The following NUBPL variants were observed in gnomAD, a reference collection of about 807,000 sequenced individuals.
The protein encoded by NUBPL is NUBP iron-sulfur cluster assembly factor, mitochondrial.
A neutral mutation model predicts 45.7 loss-of-function variants in NUBPL; 31 were observed. That is an observed-to-expected ratio of 0.68 (90% CI 0.51 to 0.92). The LOEUF is 0.92. Among genes scored for constraint, NUBPL ranks in the 40% least tolerant of loss-of-function variants. The pLI is 0.00. For missense variants in NUBPL, 401 were observed against 398.7 expected (o/e 1.01, Z -0.05); for synonymous variants, 144 against 140.9 (o/e 1.02, Z -0.15).
intron 7 of NUBPL, among the ~76,000 whole-genome samples, chr14:31,812,575 G>A (rs575517878): frequency 9.2e-5 from 14 of 152,276 alleles, no homozygotes; most frequent in Non-Finnish European, 1.9e-4. Context: ...GAAATCCCCC[G>A]ACCCCTTGCA....
rs1566487188 is a variant in NUBPL at position 31,666,260 on chromosome 14, T to TGTAG, written c.383-7095_383-7094insGTAG. ...ATATATATATATATATATATATATA[T>TGTAG]ATAATTTTATTTTATTTTTTTTGAG... On this transcript the variant is annotated intron_variant, in intron 4 of 10. Coordinates refer to ENST00000281081, the MANE Select transcript of NUBPL (RefSeq NM_025152.3). 7.1e-3 allele frequency among the ~76,000 whole-genome samples: 194 copies of TGTAG among 27,406 alleles called. 4 individuals are homozygous for TGTAG. The highest frequency in any genetic ancestry group is 0.035 in the African/African-American group (189 of 5,398). The allele number at this position is 27,406 out of a possible 152,430, so 18.0% of individuals were successfully genotyped here.
chr14:31,703,265 G>A (rs6571451), intron 6 of NUBPL: 26,022 of 152,264 alleles, frequency 0.17, 5,976 homozygotes, highest in African/African-American at 0.53. Context: ...CCCCTTTCTC[G>A]TGATTCTTCC....
intron 7 of NUBPL, among the ~76,000 whole-genome samples, chr14:31,808,958 G>A (rs2039745574): frequency 6.6e-6 from 1 of 152,154 alleles, no homozygotes; most frequent in South Asian, 2.1e-4. Flanking sequence ...TGTATCCCAG[G>A]GATGAATCCA....
chr14:31,674,096 AT>A, intron 6 of NUBPL, among the ~76,000 whole-genome samples: 1 of 152,350 alleles, frequency 6.6e-6, no homozygotes, highest in Admixed American at 6.5e-5. Flanking sequence ...AGAAGAGAAC[AT>A]TTGATTGGAT....
intron 6 of NUBPL, among the ~76,000 whole-genome samples, chr14:31,699,180 A>T (rs951726947): frequency 3.9e-5 from 6 of 152,206 alleles, no homozygotes; most frequent in Non-Finnish European, 8.8e-5. Context: ...ATCTTTTAAA[A>T]ATATTTTTTG....
At chr14:31,670,511 G>A (rs1595468893) in intron 4 of NUBPL, among the ~76,000 whole-genome samples, 1 of 152,002 alleles carries the variant, frequency 6.6e-6, no homozygotes, top group Admixed American at 6.6e-5. Flanking sequence ...CTTTTGTTGT[G>A]ATTGCTTTTG....
intron 4 of NUBPL, among the ~76,000 whole-genome samples, chr14:31,622,439 C>T (rs550725843): frequency 6.7e-4 from 102 of 152,154 alleles, no homozygotes; most frequent in African/African-American, 2.0e-3. Context: ...TGTTCATCAC[C>T]GAGACAATGG....
chr14:31,672,353 T>C (rs1308244399), intron 4 of NUBPL, among the ~76,000 whole-genome samples: 1 of 152,140 alleles, frequency 6.6e-6, no homozygotes, highest in Non-Finnish European at 1.5e-5. Flanking sequence ...GATTAGCATA[T>C]ATATAATTTA....
intron 7 of NUBPL, among the ~76,000 whole-genome samples, chr14:31,823,104 G>A (rs542073884): frequency 1.1e-4 from 17 of 151,920 alleles, no homozygotes; most frequent in African/African-American, 3.6e-4. Flanking sequence ...GTTATTCAAG[G>A]TTATATATTA....
chr14:31,782,349 T>G (rs2039206293), intron 6 of NUBPL, among the ~76,000 whole-genome samples: 1 of 152,098 alleles, frequency 6.6e-6, no homozygotes, highest in Non-Finnish European at 1.5e-5. Context: ...GAGCTGAGAT[T>G]GCGCCGCTGC....
In NUBPL at chr14:31,666,263, A is replaced by ATATATATATATATATATATATATTTATT; in HGVS notation, c.383-7092_383-7091insTATATATATATATATATATATATTTATT. ...TATATATATATATATATATATATATAATTTTATTTTATTTTTTTTGAGACG... is the reference window on the plus strand; with the variant it reads ...TATATATATATATATATATATATATATATATATATATATATATATATATTTATTATTTTATTTTATTTTTTTTGAGACG... On this transcript the variant is annotated intron_variant, in intron 4 of 10. Transcript: ENST00000281081. 1.7e-3 allele frequency among the ~76,000 whole-genome samples: 187 copies of ATATATATATATATATATATATATTTATT among 111,674 alleles called. 14 individuals are homozygous for ATATATATATATATATATATATATTTATT. Among genetic ancestry groups the ATATATATATATATATATATATATTTATT allele is most frequent in the East Asian group, 3.1e-3 (9 of 2,950 alleles). 73.3% of individuals were successfully genotyped at this position (111,674 alleles called of 152,430 possible).
chr14:31,704,547 C>T (rs2037405026), intron 6 of NUBPL, among the ~76,000 whole-genome samples: 1 of 152,024 alleles, frequency 6.6e-6, no homozygotes, highest in Admixed American at 6.5e-5. Flanking sequence ...CCTGTAATCC[C>T]AGCTACTCAG....
chr14:31,828,756 C>T (rs895436160), intron 8 of NUBPL, among the ~76,000 whole-genome samples: 1 of 152,000 alleles, frequency 6.6e-6, no homozygotes, highest in African/African-American at 2.4e-5. Context: ...TTTTTCAGTC[C>T]CTATGTAAAC....
intron 6 of NUBPL, among the ~76,000 whole-genome samples, chr14:31,772,538 C>T (rs538020474): frequency 1.1e-3 from 167 of 152,294 alleles, no homozygotes; most frequent in African/African-American, 3.5e-3. Flanking sequence ...ACTATTTCAA[C>T]TGTACTGTGG....
chr14:31,730,844 C>G (rs563053484), intron 6 of NUBPL, among the ~76,000 whole-genome samples: 2 of 152,166 alleles, frequency 1.3e-5, no homozygotes, highest in South Asian at 4.1e-4. Context: ...AGAAAGTTCT[C>G]TTTGGAAGAG....
At chr14:31,581,156 G>T (rs866374573) in intron 3 of NUBPL, among the ~76,000 whole-genome samples, 1 of 151,754 alleles carries the variant, frequency 6.6e-6, no homozygotes, top group African/African-American at 2.4e-5. Context: ...GAGCCAGGAG[G>T]ACTTGCTGAT....
intron 3 of NUBPL, among the ~76,000 whole-genome samples, chr14:31,571,384 G>A (rs572568965): frequency 2.0e-5 from 3 of 150,494 alleles, no homozygotes; most frequent in Non-Finnish European, 4.4e-5. Context: ...AAGGCACTGT[G>A]TGAGCTAGCC....
intron 3 of NUBPL, among the ~76,000 whole-genome samples, chr14:31,575,444 G>A (rs1379582765): frequency 3.9e-5 from 6 of 152,150 alleles, no homozygotes; most frequent in African/African-American, 1.4e-4. Flanking sequence ...GTTGTTGTGA[G>A]TATTAAAGGA....
intron 3 of NUBPL, among the ~76,000 whole-genome samples, chr14:31,598,276 G>GT (rs557804390): frequency 1.3e-4 from 20 of 151,642 alleles, no homozygotes; most frequent in South Asian, 2.1e-4. Context: ...AATTTAAAAA[G>GT]TTTTTTTTTG....
Sources: gnomAD v4.1 joint callset for allele counts (sites outside exome capture counted in the v4.1 genomes callset) on GRCh38, gnomAD v4.1.1 for gene constraint, MANE v1.5 for transcripts, NCBI Gene and HGNC (gene_info 2026-07-23, HGNC 2026-07-21) for gene names.